The following EXOC6B variants were observed in gnomAD, a reference collection of about 807,000 sequenced individuals.
The protein encoded by EXOC6B is SEC15 homolog B.
Under a neutral mutation model 113.5 loss-of-function variants are expected in EXOC6B, and 54 were observed. The ratio of observed to expected loss-of-function variants is 0.48; its 90% CI spans 0.38 to 0.60. The LOEUF (loss-of-function observed/expected upper bound fraction) is 0.60, where lower values mean the gene tolerates loss of function less well. EXOC6B is among the 20% of genes least tolerant of loss of function. The pLI, the probability that EXOC6B is intolerant of heterozygous loss-of-function variation, is 0.00. For synonymous variants in EXOC6B, 357 were observed against 339.0 expected, an observed-to-expected ratio of 1.05 and a Z score of -0.58; for missense variants, 797 against 977.5, an observed-to-expected ratio of 0.82 and a Z score of 2.46.
chr2:72,665,560 A>G (rs563930661), intron 6 of EXOC6B, among the ~76,000 whole-genome samples: 1 of 152,304 alleles, frequency 6.6e-6, no homozygotes, highest in African/African-American at 2.4e-5. Flanking sequence ...GTCCTTAAAG[A>G]AAAGAAATTC....
intron 20 of EXOC6B, among the ~76,000 whole-genome samples, chr2:72,288,307 C>A (rs1685567735): frequency 6.6e-6 from 1 of 151,986 alleles, no homozygotes; most frequent in African/African-American, 2.4e-5. Flanking sequence ...GACTCTATGA[C>A]CTGCAACTGC....
At chr2:72,575,442 C>G in intron 7 of EXOC6B, 50 bp downstream of exon 7, 1 of 1,520,282 alleles carries the variant, frequency 6.6e-7, no homozygotes, top group Non-Finnish European at 8.9e-7. Context: ...CTCAACCATA[C>G]TATTTAAGCT....
chr2:72,708,896 ATTTTTTTTTTTT>A (rs1159794341), intron 6 of EXOC6B, among the ~76,000 whole-genome samples: 4 of 69,790 alleles, frequency 5.7e-5, no homozygotes, highest in Non-Finnish European at 1.0e-4. Flanking sequence ...CATCCAGCTA[ATTTTTTTTTTTT>A]TTTTTTTTTT....
chr2:72,402,783 G>A (rs1164796717), intron 18 of EXOC6B, among the ~76,000 whole-genome samples: 1 of 152,056 alleles, frequency 6.6e-6, no homozygotes, highest in Non-Finnish European at 1.5e-5. Context: ...TTTCAATGGG[G>A]TTTGCTTTTT....
chr2:72,464,508 A>G (rs1267785962), intron 18 of EXOC6B: 1 of 152,378 alleles, frequency 6.6e-6, no homozygotes, highest in Admixed American at 6.6e-5. Flanking sequence ...TGCCCATTCT[A>G]TTTACTAAGT....
chr2:72,234,311 C>T (rs1681822810), intron 20 of EXOC6B, among the ~76,000 whole-genome samples: 1 of 152,088 alleles, frequency 6.6e-6, no homozygotes, highest in Admixed American at 6.6e-5. Flanking sequence ...TCTTGAACTC[C>T]TGACCTCGTG....
At chr2:72,803,807 A>G (rs902728706) in intron 1 of EXOC6B, among the ~76,000 whole-genome samples, 5 of 152,156 alleles carry the variant, frequency 3.3e-5, no homozygotes, top group African/African-American at 1.2e-4. Context: ...CTGCTGTATA[A>G]TTGTCCTAAT....
At chr2:72,324,556 A>T (rs1180066323) in intron 20 of EXOC6B, among the ~76,000 whole-genome samples, 1 of 152,226 alleles carries the variant, frequency 6.6e-6, no homozygotes, top group African/African-American at 2.4e-5. Context: ...TGCTTACCGA[A>T]TCATAAGCAA....
chr2:72,470,782 A>T (rs1430446049), intron 17 of EXOC6B, among the ~76,000 whole-genome samples: 5 of 142,968 alleles, frequency 3.5e-5, no homozygotes, highest in Non-Finnish European at 7.4e-5. Flanking sequence ...CCATGTCCCT[A>T]CAAAGGACAT....
At chr2:72,527,935 G>C (rs1250057350) in intron 8 of EXOC6B, among the ~76,000 whole-genome samples, 1 of 151,574 alleles carries the variant, frequency 6.6e-6, no homozygotes, top group East Asian at 1.9e-4. Context: ...ATATATTCTA[G>C]ATACATAAGG....
chr2:72,485,588 A>G (rs1322806784), intron 16 of EXOC6B, among the ~76,000 whole-genome samples: 1 of 152,238 alleles, frequency 6.6e-6, no homozygotes, highest in Admixed American at 6.5e-5. Context: ...TGATTAAAAT[A>G]CCTAAAATAC....
Position 72,465,188 on chromosome 2 carries a change from C to T in EXOC6B, c.1952G>A (p.Ser651Asn), listed in dbSNP as rs772951078. ...AAGGTGTGTGAATACAGCAAAGGTG[C>T]TACGAAGAAAGGCAATGAGGTCTAC... ...YLVDLIAFLRSTFAVFTHLPG... is the reference protein window; with the variant it reads ...YLVDLIAFLRNTFAVFTHLPG... Residue 651 changes from serine to asparagine, a missense_variant, in exon 18 of 22, where the codon AGC becomes AAC. By Grantham distance (46) the Ser-to-Asn change is conservative (BLOSUM62 1). Coordinates refer to ENST00000272427, the MANE Select transcript of EXOC6B (RefSeq NM_015189.3). The T allele has an allele frequency of 1.2e-5, 20 of 1,611,868 alleles. No individual in the cohort carries two copies. Among genetic ancestry groups the T allele is most frequent in the Admixed American group, 1.7e-5 (1 of 59,668 alleles).
intron 5 of EXOC6B, among the ~76,000 whole-genome samples, chr2:72,723,248 C>G (rs1573691741): frequency 6.6e-6 from 1 of 152,204 alleles, no homozygotes; most frequent in African/African-American, 2.4e-5. Context: ...TGTGGTCACT[C>G]TCTCCCCTCT....
intron 19 of EXOC6B, among the ~76,000 whole-genome samples, chr2:72,368,568 G>T (rs1023125532): frequency 6.6e-6 from 1 of 152,078 alleles, no homozygotes; most frequent in African/African-American, 2.4e-5. Context: ...CAAAAAAAGA[G>T]AATTTTAGAC....
chr2:72,660,506 T>C (rs900456503), intron 6 of EXOC6B, among the ~76,000 whole-genome samples: 1 of 152,214 alleles, frequency 6.6e-6, no homozygotes, highest in African/African-American at 2.4e-5. Flanking sequence ...CACCAATGCA[T>C]TTGATTATTA....
At chr2:72,650,030 C>A (rs1245004887) in intron 6 of EXOC6B, among the ~76,000 whole-genome samples, 1 of 152,216 alleles carries the variant, frequency 6.6e-6, no homozygotes, top group African/African-American at 2.4e-5. Flanking sequence ...GAACTGGGCG[C>A]GGGGCACGAC....
chr2:72,609,390 C>T (rs1670932955), intron 6 of EXOC6B, among the ~76,000 whole-genome samples: 1 of 151,906 alleles, frequency 6.6e-6, no homozygotes, highest in Admixed American at 6.6e-5. Flanking sequence ...GAAATAAAAA[C>T]TCAAAAATGA....
chr2:72,663,395 C>T (rs1302126748), intron 6 of EXOC6B, among the ~76,000 whole-genome samples: 4 of 152,140 alleles, frequency 2.6e-5, no homozygotes, highest in African/African-American at 7.2e-5. Context: ...AGGAATAGCA[C>T]AGGGAGTTTT....
intron 18 of EXOC6B, among the ~76,000 whole-genome samples, chr2:72,390,431 T>C (rs561833913): frequency 6.6e-6 from 1 of 152,350 alleles, no homozygotes; most frequent in East Asian, 1.9e-4. Context: ...TTCCATGTTA[T>C]GGATCACATT....
Sources: gnomAD v4.1 joint callset for allele counts (sites outside exome capture counted in the v4.1 genomes callset) on GRCh38, gnomAD v4.1.1 for gene constraint, MANE v1.5 for transcripts, NCBI Gene and HGNC (gene_info 2026-07-23, HGNC 2026-07-21) for gene names.